The following CUBN variants were observed in gnomAD, a reference collection of about 807,000 sequenced individuals.
The protein encoded by CUBN is cubilin.
In CUBN, 282 loss-of-function variants were observed where a neutral mutation model predicts 405.3. The ratio of observed to expected loss-of-function variants is 0.70; its 90% CI spans 0.63 to 0.77. CUBN has a LOEUF of 0.77. Among genes scored for constraint, CUBN ranks in the 30% least tolerant of loss-of-function variants. CUBN has a pLI of 0.00. For missense variants in CUBN, 4,514 were observed against 4,475.2 expected (o/e 1.01, Z -0.25); for synonymous variants, 1,684 against 1,617.0 (o/e 1.04, Z -0.99).
At position 17,129,203 on chromosome 10, in the gene CUBN, G is replaced by A; in HGVS notation, c.170C>T (p.Ser57Phe). 1 of 1,613,662 alleles carries A rather than the reference G, an allele frequency of 6.2e-7. No individual in the cohort carries two copies. The highest frequency in any genetic ancestry group is 1.1e-5 in the South Asian group (1 of 91,070). ...GGTTCTAAACTCAATGTTTTGAGCA[G>A]ACCCCGTAAGAAACACCAAATTTCC... ...ERGNLVFLTG[S>F]AQNIEFRTGS... The change falls in exon 2 of 67, where the codon TCT (serine) becomes TTT (phenylalanine). Residue 57 changes from serine (S) to phenylalanine (F), a missense_variant. Coordinates refer to ENST00000377833, the MANE Select transcript of CUBN (RefSeq NM_001081.4).
chr10:17,119,503 T>C (rs1189285721), intron 6 of CUBN, among the ~76,000 whole-genome samples: 6 of 152,014 alleles, frequency 3.9e-5, no homozygotes, highest in Non-Finnish European at 7.4e-5. Flanking sequence ...CTACTAAAAA[T>C]ACAAAAATTA....
At chr10:16,996,099 A>G (rs902295152) in intron 28 of CUBN, among the ~76,000 whole-genome samples, 1 of 152,116 alleles carries the variant, frequency 6.6e-6, no homozygotes, top group African/African-American at 2.4e-5. Flanking sequence ...GGAACTAACA[A>G]TGTTGAATGC....
chr10:16,892,050 C>A (rs1841038609), intron 54 of CUBN, among the ~76,000 whole-genome samples: 1 of 152,154 alleles, frequency 6.6e-6, no homozygotes. Flanking sequence ...ATATTCCTCA[C>A]CCACAGCAAT....
chr10:16,847,092 T>C (rs1839537446), intron 60 of CUBN, among the ~76,000 whole-genome samples: 1 of 152,134 alleles, frequency 6.6e-6, no homozygotes, highest in South Asian at 2.1e-4. Flanking sequence ...CCTTCTATGT[T>C]GTTTCTATTT....
chr10:16,833,629 G>A (rs1392616149), intron 64 of CUBN, among the ~76,000 whole-genome samples: 2 of 152,206 alleles, frequency 1.3e-5, no homozygotes, highest in African/African-American at 4.8e-5. Flanking sequence ...GGGGGTTGCA[G>A]GGCAGAAAAG....
At position 16,947,280 on chromosome 10, in the gene CUBN, C is replaced by T; in HGVS notation, c.5297G>A (p.Trp1766Ter). The change falls in exon 36 of 67, where the codon TGG becomes TAG. Residue 1766 changes from tryptophan to a stop codon, truncating the protein, a stop_gained. Coordinates refer to ENST00000377833, the MANE Select transcript of CUBN (RefSeq NM_001081.4). LOFTEE classifies it high-confidence loss of function. ...DIYPPNVECV[W>*]NIVSSPGNRL... ...GTTGCCAGGGGAACTGACGATGTTC[C>T]AGACACATTCCACATTAGGGGGATA... The T allele has an allele frequency of 1.2e-6, 2 of 1,614,052 alleles. No homozygotes were observed. Among genetic ancestry groups the T allele is most frequent in the Non-Finnish European group, 1.7e-6 (2 of 1,179,976 alleles).
In CUBN at chr10:16,862,486, C is replaced by T. The variant is rs553309553; in HGVS notation, c.9454+7150G>A. 5.3e-5 allele frequency among the ~76,000 whole-genome samples: 8 copies of T among 152,244 alleles called. No homozygotes were observed. The South Asian group carries it at 6.2e-4, about 12-fold the overall frequency. On this transcript the variant is annotated intron_variant, in intron 59 of 66. Transcript: ENST00000377833. Reference sequence around the variant, plus strand: ...GTTCAGGGACAAGCAGTGATTTTCACGATGCCCTGGGATTTCCTGACAAGT... The same window carrying T: ...GTTCAGGGACAAGCAGTGATTTTCATGATGCCCTGGGATTTCCTGACAAGT...
In CUBN at chr10:16,908,296, C is replaced by G. The variant is rs553400132; in HGVS notation, c.7534-617G>C. The stretch of plus-strand genomic sequence containing the variant: ...AAGCAGCTGAGATTATAGGCATGCA[C>G]CACCACGCCCAGCTAATTTTGTATT... On this transcript the variant is annotated intron_variant, in intron 48 of 66. Coordinates refer to ENST00000377833, the MANE Select transcript of CUBN (RefSeq NM_001081.4). Among the ~76,000 whole-genome samples the G allele has an allele frequency of 4.6e-5, 7 of 152,134 alleles. No homozygotes were observed. The East Asian group carries it at 1.4e-3, about 29-fold the overall frequency.
chr10:17,081,747 AATCTCATAGAGGTAC>A (rs1835974707), intron 17 of CUBN, among the ~76,000 whole-genome samples: 1 of 152,168 alleles, frequency 6.6e-6, no homozygotes, highest in Non-Finnish European at 1.5e-5. Flanking sequence ...GTCCATCTAG[AATCTCATAGAGGTAC>A]ATCTAAGTTT....
chr10:16,908,508 A>T (rs555511745), intron 48 of CUBN, among the ~76,000 whole-genome samples: 30 of 152,372 alleles, frequency 2.0e-4, no homozygotes, highest in African/African-American at 7.0e-4. Context: ...GCAATTAAAC[A>T]TAATAGTTCT....
chr10:17,115,390 T>C (rs186743051), intron 7 of CUBN, 81 bp downstream of exon 7: 1 of 1,575,082 alleles, frequency 6.3e-7, no homozygotes, highest in African/African-American at 1.3e-5. Flanking sequence ...CAGGTAGTGC[T>C]TGTATGCAGT....
chr10:16,843,125 A>C (rs1022644400), intron 60 of CUBN, among the ~76,000 whole-genome samples: 2 of 152,218 alleles, frequency 1.3e-5, no homozygotes, highest in Non-Finnish European at 2.9e-5. Context: ...GGGGAGACAG[A>C]GACTCTGTCT....
At chr10:16,889,711 T>C (rs1181641949) in intron 55 of CUBN, among the ~76,000 whole-genome samples, 1 of 150,332 alleles carries the variant, frequency 6.7e-6, no homozygotes, top group Admixed American at 6.6e-5. Context: ...CTGGCCAACA[T>C]GGTGAAACCC....
chr10:16,851,192 T>A, intron 60 of CUBN, 43 bp downstream of exon 60: 2 of 1,470,084 alleles, frequency 1.4e-6, no homozygotes, highest in Admixed American at 1.7e-5. Flanking sequence ...TATATTAGAG[T>A]CTGGGATGAA....
intron 59 of CUBN, among the ~76,000 whole-genome samples, chr10:16,853,186 C>A (rs908981675): frequency 2.6e-5 from 4 of 152,148 alleles, no homozygotes; most frequent in African/African-American, 9.7e-5. Flanking sequence ...AAGGGATGAA[C>A]AATTTATTGA....
rs1835654817 is a variant in CUBN, at chr10:17,068,153, C to G, written c.2919G>C (p.Met973Ile). ...LVQPNHLIHL[M>I]FETFHLEFHY... ...GAAACTCCAGATGAAATGTTTCGAA[C>G]ATTAAATGAATCAGGTGATTAGGTT... The change falls in exon 21 of 67, where the codon ATG becomes ATC. Residue 973 changes from methionine to isoleucine, a missense_variant. Around this residue, in one of 5 missense-constraint regions of CUBN, gnomAD observed 1,448 missense variants for 1,388.0 expected, o/e 1.04. Transcript: ENST00000377833. 6.2e-7 allele frequency: 1 copy of G among 1,613,492 alleles called. No homozygotes were observed. Among genetic ancestry groups the G allele is most frequent in the East Asian group, 2.2e-5 (1 of 44,872 alleles).
At chr10:16,914,658 CA>C (rs5783521) in intron 47 of CUBN, among the ~76,000 whole-genome samples, 50,637 of 130,926 alleles carry the variant, frequency 0.39, 8,937 homozygotes, top group Non-Finnish European at 0.44. Flanking sequence ...CCCATGTTCA[CA>C]AAAAAAAAAA....
At chr10:17,074,389 G>C (rs183694283) in intron 17 of CUBN, among the ~76,000 whole-genome samples, 1 of 152,212 alleles carries the variant, frequency 6.6e-6, no homozygotes, top group East Asian at 1.9e-4. Context: ...AGTAGCAAGG[G>C]ACCAAAGACA....
chr10:16,942,904 G>C (rs1240497452), intron 36 of CUBN, among the ~76,000 whole-genome samples: 1 of 151,792 alleles, frequency 6.6e-6, no homozygotes, highest in East Asian at 1.9e-4. Context: ...GCAAGGGGAA[G>C]GGGAAGGGGA....
Sources: allele counts gnomAD v4.1 joint callset (sites outside exome capture counted in the v4.1 genomes callset), GRCh38; gene constraint gnomAD v4.1.1; regional missense constraint gnomAD v4.1.1; transcripts MANE v1.5; gene names NCBI Gene and HGNC (gene_info 2026-07-23, HGNC 2026-07-21).